The following LTBP1 variants were observed in gnomAD, a reference collection of about 807,000 sequenced individuals.
LTBP1 encodes latent transforming growth factor beta binding protein 1.
A neutral mutation model predicts 207.6 loss-of-function variants in LTBP1; 129 were observed. That is an observed-to-expected ratio of 0.62 (90% CI 0.54 to 0.72). LTBP1 has a LOEUF of 0.72. Ranked by LOEUF, LTBP1 falls within the 30% of genes least tolerant of loss-of-function variation. The probability of loss-of-function intolerance (pLI) is 0.00; values close to 1 mark genes in which losing one functional copy is unlikely to be tolerated. For synonymous variants in LTBP1, 963 were observed against 833.7 expected, an observed-to-expected ratio of 1.16 and a Z score of -2.67; for missense variants, 2,281 against 2,217.2, an observed-to-expected ratio of 1.03 and a Z score of -0.58.
intron 7 of LTBP1, among the ~76,000 whole-genome samples, chr2:33,194,075 C>T (rs1455674075): frequency 2.0e-5 from 3 of 152,126 alleles, no homozygotes; most frequent in Non-Finnish European, 4.4e-5. Flanking sequence ...CAAGGTCTGC[C>T]TCCCGGGTTC....
chr2:33,138,717 G>T (rs538915043), intron 5 of LTBP1, among the ~76,000 whole-genome samples: 1 of 152,074 alleles, frequency 6.6e-6, no homozygotes, highest in Non-Finnish European at 1.5e-5. Flanking sequence ...TAACTTATTT[G>T]TGGAGACATT....
At chr2:33,098,089 G>A (rs1033332756) in intron 3 of LTBP1, among the ~76,000 whole-genome samples, 25 of 152,084 alleles carry the variant, frequency 1.6e-4, no homozygotes, top group African/African-American at 3.6e-4. Context: ...CTTCTCCCCC[G>A]ACTTTATATC....
At chr2:33,302,420 G>A (rs1269713788) in intron 22 of LTBP1, among the ~76,000 whole-genome samples, 1 of 152,204 alleles carries the variant, frequency 6.6e-6, no homozygotes. Flanking sequence ...CCACCTTTGA[G>A]AGAAGTGGAT....
Position 33,352,796 on chromosome 2 carries a change from C to T in LTBP1, c.4000+5286C>T, listed in dbSNP as rs571964298. Among the ~76,000 whole-genome samples the T allele has an allele frequency of 6.6e-5, 10 of 152,250 alleles. No homozygotes were observed. The South Asian group carries it at 2.1e-3, about 32-fold the overall frequency. ...AATGCATTAGCAGGGCAGCAATACC[C>T]TTTATCTTCTGTAATGTAAATGGAT... On this transcript the variant is annotated intron_variant, in intron 26 of 33. Transcript: ENST00000404816.
Position 33,134,979 on chromosome 2 carries a change from C to T in LTBP1, c.1201+19C>T, listed in dbSNP as rs1221369145. ...CGAGTGGGTGAGTTCCTCCACGGTC[C>T]CTAACTGTCCTTACTGAGTCGAGTT... On this transcript the variant is annotated intron_variant, in intron 5 of 33. Transcript: ENST00000404816. The surrounding 1 kb of genome is among the most constrained non-coding windows in gnomAD (Gnocchi z 4.4). The T allele has an allele frequency of 1.3e-6, 2 of 1,586,966 alleles. No homozygotes were observed. The highest frequency in any genetic ancestry group is 2.3e-5 in the East Asian group (1 of 44,332).
chr2:33,316,720 C>A (rs723043), intron 24 of LTBP1, among the ~76,000 whole-genome samples: 51,474 of 151,974 alleles, frequency 0.34, 9,711 homozygotes, highest in Admixed American at 0.41. Context: ...GGCTTTGAGA[C>A]CAGAGCTTTT....
At chr2:33,016,045 T>C (rs1207339559) in intron 2 of LTBP1, among the ~76,000 whole-genome samples, 2 of 152,228 alleles carry the variant, frequency 1.3e-5, no homozygotes, top group Non-Finnish European at 2.9e-5. Context: ...TTGGTAGGAC[T>C]CATACCAAAC....
chr2:33,237,774 C>G (rs565392331), intron 9 of LTBP1, among the ~76,000 whole-genome samples: 1 of 152,260 alleles, frequency 6.6e-6, no homozygotes, highest in East Asian at 1.9e-4. Context: ...AGACAGTGTT[C>G]TTAGAAAGGC....
intron 3 of LTBP1, among the ~76,000 whole-genome samples, chr2:33,060,869 C>G (rs374401042): frequency 4.3e-4 from 66 of 152,092 alleles, no homozygotes; most frequent in African/African-American, 1.5e-3. Flanking sequence ...GTTTGGCAGC[C>G]TTTTCAAAAA....
intron 28 of LTBP1, 84 bp downstream of exon 28, chr2:33,361,599 A>G: frequency 2.1e-6 from 2 of 965,196 alleles, no homozygotes; most frequent in South Asian, 3.1e-5. Flanking sequence ...GTTTCACAGA[A>G]TTAGAGTTCT....
chr2:33,051,210 A>C (rs1417762471), intron 3 of LTBP1, among the ~76,000 whole-genome samples: 1 of 152,242 alleles, frequency 6.6e-6, no homozygotes, highest in East Asian at 1.9e-4. Flanking sequence ...TGAGGCCAAG[A>C]GTTCGAGACC....
chr2:33,388,183 A>T (rs765279450), intron 31 of LTBP1, among the ~76,000 whole-genome samples: 2 of 152,188 alleles, frequency 1.3e-5, no homozygotes, highest in African/African-American at 2.4e-5. Flanking sequence ...TGGAGAACCA[A>T]AATCCTGTGC....
At chr2:33,338,022 A>G (rs2094572825) in intron 24 of LTBP1, among the ~76,000 whole-genome samples, 1 of 152,248 alleles carries the variant, frequency 6.6e-6, no homozygotes, top group Admixed American at 6.5e-5. Flanking sequence ...CTAATGAAAT[A>G]ATGTTTTTTC....
At chr2:33,182,419 T>A (rs1040341706) in intron 5 of LTBP1, among the ~76,000 whole-genome samples, 2 of 151,968 alleles carry the variant, frequency 1.3e-5, no homozygotes, top group Admixed American at 6.5e-5. Context: ...TCTCAGCACT[T>A]TGGGAGGCCG....
intron 26 of LTBP1, among the ~76,000 whole-genome samples, chr2:33,355,808 C>G (rs898141866): frequency 2.0e-5 from 3 of 152,206 alleles, no homozygotes; most frequent in Admixed American, 6.5e-5. Context: ...GTCTACCCAT[C>G]CCTCTGCAGT....
chr2:33,266,616 A>AT (rs1244650989), intron 15 of LTBP1, among the ~76,000 whole-genome samples: 4 of 152,264 alleles, frequency 2.6e-5, no homozygotes, highest in Middle Eastern at 3.4e-3. Context: ...TTCTGAGCCC[A>AT]TAAAAACCCT....
chr2:33,132,176 T>TCA (rs1162284433), intron 4 of LTBP1, among the ~76,000 whole-genome samples: 1 of 152,222 alleles, frequency 6.6e-6, no homozygotes, highest in African/African-American at 2.4e-5. Context: ...TTCTTGGGTT[T>TCA]CACACACTTG....
intron 7 of LTBP1, among the ~76,000 whole-genome samples, chr2:33,200,591 A>G (rs2089124497): frequency 6.7e-6 from 1 of 149,438 alleles, no homozygotes. Context: ...CTAAAACACC[A>G]AAAGCAATGG....
intron 28 of LTBP1, among the ~76,000 whole-genome samples, chr2:33,362,879 A>G (rs1471834100): frequency 1.3e-5 from 2 of 152,146 alleles, no homozygotes; most frequent in African/African-American, 4.8e-5. Context: ...GAGTAAACTG[A>G]GATAGCAAAA....
Sources: gnomAD v4.1 joint callset for allele counts (sites outside exome capture counted in the v4.1 genomes callset) on GRCh38, gnomAD v4.1.1 for gene constraint, Gnocchi (gnomAD v3.1) non-coding constraint, MANE v1.5 for transcripts, NCBI Gene and HGNC (gene_info 2026-07-23, HGNC 2026-07-21) for gene names.